RBM19: variants seen among roughly 807,000 people sequenced by gnomAD.
RBM19 encodes RNA binding motif protein 19.
Under a neutral mutation model 116.8 loss-of-function variants are expected in RBM19, and 94 were observed. That is an observed-to-expected ratio of 0.80 (90% confidence interval 0.68 to 0.95). RBM19 has a LOEUF of 0.95. Among genes scored for constraint, RBM19 ranks in the 40% least tolerant of loss-of-function variants. The pLI, the probability that RBM19 is intolerant of heterozygous loss-of-function variation, is 0.00. For missense variants in RBM19, 1,161 were observed against 1,220.7 expected (o/e 0.95, Z 0.73); for synonymous variants, 475 against 494.1 (o/e 0.96, Z 0.51).
At position 113,966,194 on chromosome 12, in the gene RBM19, C is replaced by T. The variant is rs1235346459; in HGVS notation, c.34G>A (p.Gly12Arg). 6.2e-7 allele frequency: 1 copy of T among 1,614,260 alleles called. No individual in the cohort carries two copies. The highest frequency in any genetic ancestry group is 8.5e-7 in the Non-Finnish European group (1 of 1,180,044). ...SRLIVKNLPN[G>R]MKEERFRQLF... The stretch of plus-strand genomic sequence containing the variant: ...CCAAGTCCTGCCTCTGCACTCACCC[C>T]ATTCGGGAGATTCTTCACGATCAGT... The change falls in exon 1 of 24, where the codon GGG (glycine) becomes AGG (arginine). Residue 12 changes from glycine (G) to arginine (R), a missense_variant and splice_region_variant. Physicochemically the swap from Gly to Arg is moderately radical, Grantham distance 125. Coordinates refer to ENST00000261741, the MANE Select transcript of RBM19 (RefSeq NM_016196.4).
intron 8 of RBM19, 110 bp downstream of exon 8, chr12:113,952,402 A>C: frequency 2.0e-6 from 2 of 997,706 alleles, no homozygotes; most frequent in South Asian, 3.0e-5. Flanking sequence ...TGAGGACCAC[A>C]AACAGGAAGA....
intron 16 of RBM19, among the ~76,000 whole-genome samples, chr12:113,935,885 A>G (rs1166460786): frequency 2.6e-5 from 4 of 152,000 alleles, no homozygotes. Context: ...AATACAAAAA[A>G]ATTAGCCAGG....
chr12:113,895,403 T>C (rs1416939857), intron 21 of RBM19, among the ~76,000 whole-genome samples: 1 of 152,178 alleles, frequency 6.6e-6, no homozygotes, highest in East Asian at 1.9e-4. Context: ...CCACTTTCCT[T>C]ATCTGTGAAA....
At chr12:113,845,139 A>G (rs929376502) in intron 22 of RBM19, among the ~76,000 whole-genome samples, 6 of 152,088 alleles carry the variant, frequency 3.9e-5, no homozygotes, top group African/African-American at 1.4e-4. Context: ...CATGGCGGCC[A>G]CTTGAGAAAG....
chr12:113,876,331 G>C (rs909076437), intron 21 of RBM19, among the ~76,000 whole-genome samples: 2 of 152,206 alleles, frequency 1.3e-5, no homozygotes, highest in African/African-American at 4.8e-5. Flanking sequence ...TGGGAGTCCA[G>C]CTGCCTCCAG....
intron 17 of RBM19, among the ~76,000 whole-genome samples, chr12:113,926,680 C>G (rs1209766547): frequency 6.6e-6 from 1 of 152,242 alleles, no homozygotes; most frequent in Non-Finnish European, 1.5e-5. Flanking sequence ...CAGACCCTCA[C>G]TCACTGATGT....
At chr12:113,893,155 CTGAG>C (rs1210632222) in intron 21 of RBM19, among the ~76,000 whole-genome samples, 1 of 152,020 alleles carries the variant, frequency 6.6e-6, no homozygotes, top group Non-Finnish European at 1.5e-5. Context: ...CCTCAGTCTC[CTGAG>C]TAACTGGCAC....
downstream of RBM19, among the ~76,000 whole-genome samples, chr12:113,818,606 A>G (rs1248549768): frequency 6.6e-6 from 1 of 152,258 alleles, no homozygotes; most frequent in African/African-American, 2.4e-5. Flanking sequence ...CTCACTAGGC[A>G]TGACACAGTC....
At chr12:113,859,879 C>T (rs986518351) in intron 21 of RBM19, among the ~76,000 whole-genome samples, 6 of 152,100 alleles carry the variant, frequency 3.9e-5, no homozygotes, top group African/African-American at 7.2e-5. Context: ...TAGGATGCTT[C>T]GGGGCCAAAG....
At chr12:113,959,638 G>C (rs1410003309) in intron 4 of RBM19, among the ~76,000 whole-genome samples, 1 of 152,162 alleles carries the variant, frequency 6.6e-6, no homozygotes, top group African/African-American at 2.4e-5. Context: ...GGCCAGGGGA[G>C]ACCAGAGGCA....
chr12:113,817,520 A>C (rs895457187), downstream of RBM19: 1 of 152,260 alleles, frequency 6.6e-6, no homozygotes, highest in South Asian at 2.1e-4. Flanking sequence ...TGCTGCGCTC[A>C]GTGGCCTGGT....
intron 21 of RBM19, among the ~76,000 whole-genome samples, chr12:113,908,107 C>G (rs1882190084): frequency 6.6e-6 from 1 of 152,202 alleles, no homozygotes. Context: ...CCTCACTCAA[C>G]CCATCCTGCC....
chr12:113,849,829 C>A (rs904618147), intron 22 of RBM19, among the ~76,000 whole-genome samples: 2 of 150,504 alleles, frequency 1.3e-5, no homozygotes, highest in African/African-American at 4.8e-5. Flanking sequence ...GTCCCTCCTC[C>A]CCCATCCTCT....
chr12:113,946,052 A>G (rs1366807994), intron 12 of RBM19, 128 bp from the exon 13 acceptor site: 9 of 884,820 alleles, frequency 1.0e-5, no homozygotes, highest in Non-Finnish European at 1.4e-5. Flanking sequence ...TTTCCCTATC[A>G]TGGGCTACGT....
intron 21 of RBM19, among the ~76,000 whole-genome samples, chr12:113,878,755 G>A (rs1879857581): frequency 7.0e-6 from 1 of 142,618 alleles, no homozygotes; most frequent in Admixed American, 7.4e-5. Context: ...TTAGAAAACT[G>A]TTCCCTAAAC....
At chr12:113,938,889 T>C (rs7314644) in intron 15 of RBM19, among the ~76,000 whole-genome samples, 24,245 of 150,566 alleles carry the variant, frequency 0.16, 2,568 homozygotes, top group African/African-American at 0.3. Flanking sequence ...GCTGACACCT[T>C]GATTTCAGAC....
rs529136557 is a variant in RBM19, at chr12:113,902,683, A to C, written c.2558+12286T>G. The stretch of plus-strand genomic sequence containing the variant: ...TCAGGATTATTTTTTTCTATTTAGT[A>C]TAAATCTCTGGAGATTTAGCCACGT... On this transcript the variant is annotated intron_variant, in intron 21 of 23. Transcript: ENST00000261741. Among the ~76,000 whole-genome samples, 117 of 151,064 alleles carry C rather than the reference A, an allele frequency of 7.7e-4. 1 individual carries two copies. Among genetic ancestry groups the C allele is most frequent in the Middle Eastern group, 7.0e-3 (2 of 286 alleles).
intron 23 of RBM19, among the ~76,000 whole-genome samples, chr12:113,844,460 C>T (rs1301896203): frequency 6.6e-6 from 1 of 152,196 alleles, no homozygotes; most frequent in Non-Finnish European, 1.5e-5. Flanking sequence ...CAGATGCTTC[C>T]ATGTAGGCCA....
intron 22 of RBM19, among the ~76,000 whole-genome samples, chr12:113,855,365 C>A (rs998365045): frequency 6.6e-6 from 1 of 152,242 alleles, no homozygotes; most frequent in Admixed American, 6.5e-5. Flanking sequence ...CCAGCCTCAA[C>A]TTCTACAATG....
Sources: gnomAD v4.1 joint callset for allele counts (sites outside exome capture counted in the v4.1 genomes callset) on GRCh38, gnomAD v4.1.1 for gene constraint, MANE v1.5 for transcripts, NCBI Gene and HGNC (gene_info 2026-07-23, HGNC 2026-07-21) for gene names.